The following MAN1A1 variants were observed in gnomAD, a reference collection of about 807,000 sequenced individuals.
MAN1A1 encodes the protein mannosyl-oligosaccharide 1,2-alpha-mannosidase IA.
A neutral mutation model predicts 70.8 loss-of-function variants in MAN1A1; 29 were observed. The observed-to-expected ratio is 0.41, with a 90% CI of 0.31 to 0.56. MAN1A1 has a LOEUF of 0.56. Ranked by LOEUF, MAN1A1 falls within the 20% of genes least tolerant of loss-of-function variation. The probability of loss-of-function intolerance (pLI) is 0.29; values close to 1 mark genes in which losing one functional copy is unlikely to be tolerated. For synonymous variants in MAN1A1, 349 were observed against 330.1 expected (o/e 1.06, Z -0.62); for missense variants, 747 against 841.3 (o/e 0.89, Z 1.39).
chr6:119,275,654 C>A (rs903612742), intron 5 of MAN1A1, among the ~76,000 whole-genome samples: 1 of 151,238 alleles, frequency 6.6e-6, no homozygotes, highest in Non-Finnish European at 1.5e-5. Context: ...GTTGGCCAGG[C>A]TCGTCTCAAA....
At chr6:119,249,528 C>T (rs1775261412) in intron 5 of MAN1A1, among the ~76,000 whole-genome samples, 2 of 152,164 alleles carry the variant, frequency 1.3e-5, no homozygotes. Flanking sequence ...ACCATTTCCT[C>T]CTCAAACAAG....
In MAN1A1 at chr6:119,348,468, T is replaced by C. The variant is rs919014075; in HGVS notation, c.598A>G (p.Lys200Glu). Residue 200 changes from lysine to glutamate, a missense_variant, in exon 2 of 13, where the codon AAA becomes GAA. Physicochemically the swap from Lys to Glu is moderately conservative, Grantham distance 56. Coordinates refer to ENST00000368468, the MANE Select transcript of MAN1A1 (RefSeq NM_005907.4). ...TTCTGGCGCGGCCCACTCACCTCTT[T>C]GATCTTTGCCCTTTTCTCGCGGATG... is the stretch of plus-strand genomic sequence containing the variant. ...AAIREKRAKI[K>E]EMMKHAWNNY... The C allele has an allele frequency of 4.5e-5, 72 of 1,602,046 alleles. No individual in the cohort carries two copies. Among genetic ancestry groups the C allele is most frequent in the Non-Finnish European group, 5.9e-5 (69 of 1,173,776 alleles).
intron 6 of MAN1A1, among the ~76,000 whole-genome samples, chr6:119,227,625 A>G (rs1184487695): frequency 6.6e-6 from 1 of 152,158 alleles, no homozygotes; most frequent in African/African-American, 2.4e-5. Flanking sequence ...GCACACCACC[A>G]TGAGCAGCTA....
intron 6 of MAN1A1, among the ~76,000 whole-genome samples, chr6:119,214,185 C>T (rs981033604): frequency 5.9e-5 from 9 of 152,152 alleles, no homozygotes; most frequent in Admixed American, 1.3e-4. Context: ...AGGCTGGTCT[C>T]GAACTCCTGA....
chr6:119,268,594 C>T (rs1775823316), intron 5 of MAN1A1, among the ~76,000 whole-genome samples: 1 of 149,640 alleles, frequency 6.7e-6, no homozygotes, highest in African/African-American at 2.5e-5. Flanking sequence ...TATTGTTTTA[C>T]TTTTTTTTTT....
chr6:119,273,333 C>T (rs1775975072), intron 5 of MAN1A1, among the ~76,000 whole-genome samples: 1 of 152,110 alleles, frequency 6.6e-6, no homozygotes, highest in African/African-American at 2.4e-5. Context: ...AGAAATAGCT[C>T]CACATCATTT....
Position 119,300,545 on chromosome 6 carries a change from C to T in MAN1A1, c.816+1443G>A, listed in dbSNP as rs117980274. On this transcript the variant is annotated intron_variant, in intron 4 of 12. Coordinates refer to ENST00000368468, the MANE Select transcript of MAN1A1 (RefSeq NM_005907.4). ...CTGGGATTACAGGTGTGAGCCACCA[C>T]GCCCGGTCCACAGAAGTATTATTAA... is the stretch of plus-strand genomic sequence containing the variant. 5.9e-3 allele frequency among the ~76,000 whole-genome samples: 899 copies of T among 152,188 alleles called. 28 individuals carry two copies. In the East Asian group the frequency reaches 0.09, roughly 15 times the overall value.
chr6:119,222,538 G>A (rs1292328941), intron 6 of MAN1A1, among the ~76,000 whole-genome samples: 1 of 151,938 alleles, frequency 6.6e-6, no homozygotes, highest in Non-Finnish European at 1.5e-5. Flanking sequence ...TGTTGCCCAG[G>A]CTGGTCTCAA....
chr6:119,190,907 T>C (rs1773423369), intron 9 of MAN1A1, among the ~76,000 whole-genome samples: 1 of 152,056 alleles, frequency 6.6e-6, no homozygotes, highest in Non-Finnish European at 1.5e-5. Context: ...AATTACTTCA[T>C]GGAAGGAAAA....
intron 6 of MAN1A1, among the ~76,000 whole-genome samples, chr6:119,206,822 A>T (rs971291334): frequency 2.6e-5 from 4 of 152,214 alleles, no homozygotes; most frequent in African/African-American, 9.6e-5. Context: ...CAAAACTACA[A>T]ATTTCTGTGG....
intron 6 of MAN1A1, among the ~76,000 whole-genome samples, chr6:119,223,602 C>T (rs915701354): frequency 2.6e-5 from 4 of 152,004 alleles, no homozygotes; most frequent in Non-Finnish European, 5.9e-5. Flanking sequence ...ATGGTTTATA[C>T]ATTATAGTAC....
chr6:119,278,665 C>G (rs924306883), intron 5 of MAN1A1, among the ~76,000 whole-genome samples: 16 of 152,050 alleles, frequency 1.1e-4, no homozygotes, highest in African/African-American at 3.1e-4. Flanking sequence ...TGTGCCCCCC[C>G]CAGTGTTGGA....
chr6:119,203,004 CCTT>C (rs1288255587), intron 7 of MAN1A1, among the ~76,000 whole-genome samples: 2 of 152,112 alleles, frequency 1.3e-5, no homozygotes, highest in Non-Finnish European at 2.9e-5. Context: ...CTCTGTGACT[CCTT>C]CTCTCCCTCA....
chr6:119,214,907 T>G (rs1260806699), intron 6 of MAN1A1, among the ~76,000 whole-genome samples: 1 of 150,970 alleles, frequency 6.6e-6, no homozygotes, highest in African/African-American at 2.4e-5. Context: ...TTTTGGAAAC[T>G]GTATTTTTTA....
At chr6:119,221,753 T>G (rs1276606780) in intron 6 of MAN1A1, among the ~76,000 whole-genome samples, 1 of 152,134 alleles carries the variant, frequency 6.6e-6, no homozygotes, top group African/African-American at 2.4e-5. Context: ...GCGCCCGGCC[T>G]CAGAGACCTA....
intron 6 of MAN1A1, among the ~76,000 whole-genome samples, chr6:119,219,384 T>C (rs181360513): frequency 6.0e-4 from 91 of 152,306 alleles, no homozygotes; most frequent in African/African-American, 2.1e-3. Flanking sequence ...GGTGTTATCT[T>C]GGGCATGTCC....
At chr6:119,334,397 T>C (rs1773399785) in intron 2 of MAN1A1, among the ~76,000 whole-genome samples, 2 of 152,238 alleles carry the variant, frequency 1.3e-5, no homozygotes, top group Non-Finnish European at 2.9e-5. Context: ...AATTATATCA[T>C]AGATTAAAAG....
intron 9 of MAN1A1, among the ~76,000 whole-genome samples, chr6:119,191,440 A>G (rs909902319): frequency 1.3e-5 from 1 of 79,234 alleles, no homozygotes; most frequent in African/African-American, 3.1e-5. Flanking sequence ...CAAGACCTTC[A>G]AAGCAATAAT....
At chr6:119,231,582 C>A (rs774534761) in intron 6 of MAN1A1, among the ~76,000 whole-genome samples, 6 of 152,108 alleles carry the variant, frequency 3.9e-5, no homozygotes, top group Non-Finnish European at 8.8e-5. Context: ...CTCCTCAAGG[C>A]TGGAGGCTTG....
Sources: allele counts gnomAD v4.1 joint callset (sites outside exome capture counted in the v4.1 genomes callset), GRCh38; gene constraint gnomAD v4.1.1; transcripts MANE v1.5; gene names NCBI Gene and HGNC (gene_info 2026-07-23, HGNC 2026-07-21).